The following PCDH15 variants were observed in gnomAD, a reference collection of about 807,000 sequenced individuals.
The protein encoded by PCDH15 is protocadherin-15.
A neutral mutation model predicts 178.5 loss-of-function variants in PCDH15; 129 were observed. That is an observed-to-expected ratio of 0.72 (90% CI 0.63 to 0.84). PCDH15 has a LOEUF of 0.84. Among genes scored for constraint, PCDH15 ranks in the 40% least tolerant of loss-of-function variants. The pLI is 0.00. For synonymous variants in PCDH15, 800 were observed against 732.0 expected, an observed-to-expected ratio of 1.09 and a Z score of -1.50; for missense variants, 2,230 against 2,099.9, an observed-to-expected ratio of 1.06 and a Z score of -1.21.
At chr10:55,077,045 G>A (rs1332052944) in intron 2 of PCDH15, among the ~76,000 whole-genome samples, 1 of 151,532 alleles carries the variant, frequency 6.6e-6, no homozygotes, top group Non-Finnish European at 1.5e-5. Context: ...GGGATTACAG[G>A]CATGAACCAC....
intron 9 of PCDH15, among the ~76,000 whole-genome samples, chr10:54,234,584 G>A (rs2054434898): frequency 6.6e-6 from 1 of 152,054 alleles, no homozygotes. Flanking sequence ...CTAATTTCAG[G>A]TAAAGGGGGG....
Position 54,346,341 on chromosome 10 carries a change from C to G in PCDH15, c.594+24G>C, listed in dbSNP as rs747152141. 1.9e-6 allele frequency: 3 copies of G among 1,607,302 alleles called. No homozygotes were observed. In the African/African-American group the frequency reaches 4.0e-5, roughly 22 times the overall value. On this transcript the variant is annotated intron_variant, in intron 6 of 37. Coordinates refer to ENST00000644397, the MANE Select transcript of PCDH15 (RefSeq NM_001384140.1). ...AATTTTATTCCTTTTAAGAAAATTA[C>G]ATTGCAAATAGGTATTTACATACCG...
At chr10:55,158,062 A>ATGTGTGTG (rs372901080) in intron 2 of PCDH15, among the ~76,000 whole-genome samples, 72 of 128,896 alleles carry the variant, frequency 5.6e-4, no homozygotes, top group Middle Eastern at 7.5e-3. Flanking sequence ...TCACACAAAT[A>ATGTGTGTG]TGTGTGTATG....
intron 16 of PCDH15, among the ~76,000 whole-genome samples, chr10:54,088,337 G>A (rs529949673): frequency 6.6e-6 from 1 of 152,098 alleles, no homozygotes; most frequent in African/African-American, 2.4e-5. Context: ...CCATGTGCTT[G>A]TTGGCCATTC....
At chr10:54,403,551 A>G (rs1457892076) in intron 3 of PCDH15, among the ~76,000 whole-genome samples, 1 of 151,960 alleles carries the variant, frequency 6.6e-6, no homozygotes, top group Non-Finnish European at 1.5e-5. Flanking sequence ...GATACCCCCT[A>G]TCACCACTCC....
rs144955298 is a variant in PCDH15, at chr10:53,840,352, G to T, written c.3951C>A (p.Thr1317=). ...GCTCATTTCTATCGATGGCTCTGTT[G>T]GTTTGGGGGTCAATTGCATAGACAG... ...DLTVYAIDPQ[T]NRAIDRNELF... is the part of the protein sequence containing the mutation. The change falls in exon 29 of 38, where the codon ACC becomes ACA. Residue 1317 remains threonine, a synonymous_variant. Coordinates refer to ENST00000644397, the MANE Select transcript of PCDH15 (RefSeq NM_001384140.1). 2 of 1,614,042 alleles carry T rather than the reference G, an allele frequency of 1.2e-6. No homozygotes were observed. The highest frequency in any genetic ancestry group is 1.3e-5 in the African/African-American group (1 of 74,912).
intron 2 of PCDH15, among the ~76,000 whole-genome samples, chr10:55,161,857 C>G (rs1396904480): frequency 6.6e-6 from 1 of 152,124 alleles, no homozygotes; most frequent in African/African-American, 2.4e-5. Flanking sequence ...GGTTTCTCTT[C>G]AAGTAATTGC....
chr10:54,442,806 AGT>A (rs1238205600), intron 3 of PCDH15, among the ~76,000 whole-genome samples: 1 of 151,532 alleles, frequency 6.6e-6, no homozygotes, highest in East Asian at 2.0e-4. Context: ...GAGAAAGCCC[AGT>A]GTGTTGGCTT....
chr10:55,368,520 G>A (rs545798296), intron 2 of PCDH15, among the ~76,000 whole-genome samples: 1 of 152,218 alleles, frequency 6.6e-6, no homozygotes, highest in Admixed American at 6.6e-5. Flanking sequence ...TGCTCTATCT[G>A]TAGAACAACT....
At chr10:55,333,702 A>T (rs982911280) in intron 2 of PCDH15, among the ~76,000 whole-genome samples, 1 of 152,042 alleles carries the variant, frequency 6.6e-6, no homozygotes, top group Non-Finnish European at 1.5e-5. Flanking sequence ...ATGATCTACT[A>T]ATTATTGAAG....
intron 3 of PCDH15, among the ~76,000 whole-genome samples, chr10:54,516,462 G>A (rs1005143834): frequency 2.0e-5 from 3 of 152,068 alleles, no homozygotes; most frequent in African/African-American, 7.2e-5. Flanking sequence ...GGGTATCAGT[G>A]ATGGAAGATG....
rs192086776 is a variant in PCDH15 at position 55,083,723 on chromosome 10, T to A, written c.-80+82853A>T. Among the ~76,000 whole-genome samples the A allele has an allele frequency of 2.4e-4, 36 of 151,938 alleles. No individual in the cohort carries two copies. In the East Asian group the frequency reaches 6.8e-3, roughly 29 times the overall value. The stretch of plus-strand genomic sequence containing the variant: ...CTGATAAACACATTCAGTTAAGTTG[T>A]AGGGTACAAAATTAATACAATGAAA... On this transcript the variant is annotated intron_variant, in intron 2 of 5. Coordinates refer to the PCDH15 transcript ENST00000458638.
chr10:54,426,054 T>C (rs1956233823), intron 3 of PCDH15, among the ~76,000 whole-genome samples: 1 of 152,144 alleles, frequency 6.6e-6, no homozygotes, highest in South Asian at 2.1e-4. Context: ...GCTTTAGAAC[T>C]AGACATAAAA....
At chr10:54,687,374 C>A (rs536537024) in intron 1 of PCDH15, among the ~76,000 whole-genome samples, 1 of 152,072 alleles carries the variant, frequency 6.6e-6, no homozygotes, top group African/African-American at 2.4e-5. Context: ...ATGCTCATTG[C>A]GACTCTATTT....
At chr10:54,957,500 C>T (rs1206819591) in intron 2 of PCDH15, among the ~76,000 whole-genome samples, 1 of 151,404 alleles carries the variant, frequency 6.6e-6, no homozygotes, top group Non-Finnish European at 1.5e-5. Flanking sequence ...GAATACATGG[C>T]TGAGTAGCAT....
In PCDH15 at chr10:54,752,496, AAACAAAAAAC is replaced by A. The variant is rs1566127656; in HGVS notation, c.-29+48419_-29+48428del. On this transcript the variant is annotated intron_variant, in intron 1 of 37. Coordinates refer to ENST00000644397, the MANE Select transcript of PCDH15 (RefSeq NM_001384140.1). ...CGTCTCAAAAAAAAAAAAAAACAAA[AAACAAAAAAC>A]AAAAAACAAACAAACAAACAAACAA... is the stretch of plus-strand genomic sequence containing the variant. Among the ~76,000 whole-genome samples, 222 of 85,652 alleles carry A rather than the reference AAACAAAAAAC, an allele frequency of 2.6e-3. 27 individuals are homozygous for A. Among genetic ancestry groups the A allele is most frequent in the African/African-American group, 3.7e-3 (89 of 24,290 alleles). 56.2% of individuals were successfully genotyped at this position (85,652 alleles called of 152,430 possible). A position where few individuals can be genotyped will look rare whatever the true frequency, so the allele number is the denominator to read the frequency against.
At chr10:54,805,042 TTAAC>T (rs1952757786), upstream of PCDH15, among the ~76,000 whole-genome samples, 3 of 148,758 alleles carry the variant, frequency 2.0e-5, no homozygotes, top group African/African-American at 7.4e-5. Context: ...AATGTATATA[TTAAC>T]TAAATATAAT....
At chr10:54,615,802 T>A (rs2093124464) in intron 2 of PCDH15, among the ~76,000 whole-genome samples, 1 of 152,170 alleles carries the variant, frequency 6.6e-6, no homozygotes, top group East Asian at 1.9e-4. Flanking sequence ...TATGTAGTAT[T>A]TCTGTCAAAT....
intron 2 of PCDH15, among the ~76,000 whole-genome samples, chr10:54,632,908 A>T (rs2093740560): frequency 6.6e-6 from 1 of 152,182 alleles, no homozygotes; most frequent in Admixed American, 6.6e-5. Flanking sequence ...AATGTGCATA[A>T]TTAATAGGTC....
Sources: gnomAD v4.1 joint callset for allele counts (sites outside exome capture counted in the v4.1 genomes callset) on GRCh38, gnomAD v4.1.1 for gene constraint, MANE v1.5 for transcripts, NCBI Gene and HGNC (gene_info 2026-07-23, HGNC 2026-07-21) for gene names.